FREM1: variants seen among roughly 807,000 people sequenced by gnomAD.
FREM1 encodes FRAS1 related extracellular matrix 1.
FREM1 carries 220 observed loss-of-function variants against 210.1 expected under a neutral mutation model. That is an observed-to-expected ratio of 1.05 (90% CI 0.94 to 1.17). FREM1 has a LOEUF of 1.17. Among genes scored for constraint, FREM1 ranks in the 50% most tolerant of loss-of-function variants. The probability of loss-of-function intolerance (pLI) is 0.00; values close to 1 mark genes in which losing one functional copy is unlikely to be tolerated. For missense variants in FREM1, 3,454 were observed against 2,675.5 expected (o/e 1.29, Z -6.42); for synonymous variants, 1,189 against 980.2 (o/e 1.21, Z -3.98).
At chr9:14,905,860 C>T (rs1213597167) in intron 1 of FREM1, among the ~76,000 whole-genome samples, 1 of 151,676 alleles carries the variant, frequency 6.6e-6, no homozygotes, top group Non-Finnish European at 1.5e-5. Flanking sequence ...CACTGCACTG[C>T]AGCATGGGCA....
At chr9:14,865,648 A>C (rs1831369705) in intron 2 of FREM1, among the ~76,000 whole-genome samples, 1 of 146,832 alleles carries the variant, frequency 6.8e-6, no homozygotes, top group South Asian at 2.2e-4. Flanking sequence ...TCTATTAAAG[A>C]ATAATGTTTA....
chr9:14,780,596 C>T (rs1849509067), intron 24 of FREM1, among the ~76,000 whole-genome samples: 1 of 152,100 alleles, frequency 6.6e-6, no homozygotes, highest in African/African-American at 2.4e-5. Context: ...CAGCACCAAA[C>T]AATGCAGGAG....
chr9:14,881,605 T>C (rs1253423947), intron 1 of FREM1, among the ~76,000 whole-genome samples: 1 of 152,228 alleles, frequency 6.6e-6, no homozygotes, highest in Non-Finnish European at 1.5e-5. Context: ...ATATAGCAAA[T>C]GTTTCCTTCG....
chr9:14,860,816 C>CGTATATATATATAT (rs1488331325), intron 3 of FREM1, among the ~76,000 whole-genome samples: 1 of 72,184 alleles, frequency 1.4e-5, no homozygotes, highest in Admixed American at 1.6e-4. Flanking sequence ...TACATATATA[C>CGTATATATATATAT]ACATATATAC....
At chr9:14,819,862 G>A (rs778555151) in intron 13 of FREM1, among the ~76,000 whole-genome samples, 29 of 152,172 alleles carry the variant, frequency 1.9e-4, no homozygotes, top group Admixed American at 7.9e-4. Context: ...TGAAGGAAAG[G>A]TTTCATCTAC....
intron 10 of FREM1, among the ~76,000 whole-genome samples, chr9:14,840,405 C>T (rs562449706): frequency 2.0e-5 from 3 of 152,308 alleles, no homozygotes; most frequent in African/African-American, 7.2e-5. Flanking sequence ...AATGGATGTA[C>T]AGTTCCACAT....
In FREM1 at chr9:14,859,434, A is replaced by C; in HGVS notation, c.380T>G (p.Leu127Arg). ...GATGATGTTACAGTCTGGTTCCAGG[A>C]GATAGACCCACAGGATAAAAGTTTC... ...FIETFILWVY[L>R]LEPDCNIIHM... is the part of the protein sequence containing the mutation. The change falls in exon 4 of 37, where the codon CTC (leucine) becomes CGC (arginine). Residue 127 changes from leucine to arginine, a missense_variant. Physicochemically the swap from Leu to Arg is moderately radical, Grantham distance 102 (BLOSUM62 -2). Coordinates refer to ENST00000380880, the MANE Select transcript of FREM1 (RefSeq NM_001379081.2). 4.3e-6 allele frequency: 7 copies of C among 1,613,896 alleles called. No individual in the cohort carries two copies. The highest frequency in any genetic ancestry group is 5.9e-6 in the Non-Finnish European group (7 of 1,179,796).
chr9:14,861,112 T>TATATATACATATATACAC (rs1384033590), intron 3 of FREM1, among the ~76,000 whole-genome samples: 3 of 99,880 alleles, frequency 3.0e-5, no homozygotes, highest in South Asian at 2.6e-4. Flanking sequence ...TATATACACA[T>TATATATACATATATACAC]ATATATACAT....
At chr9:14,825,624 A>G (rs900491776) in intron 10 of FREM1, among the ~76,000 whole-genome samples, 1 of 149,390 alleles carries the variant, frequency 6.7e-6, no homozygotes, top group Non-Finnish European at 1.5e-5. Context: ...CACATAAAAC[A>G]CAAAATATGT....
intron 7 of FREM1, among the ~76,000 whole-genome samples, chr9:14,847,931 T>G (rs1826988188): frequency 6.6e-6 from 1 of 152,222 alleles, no homozygotes; most frequent in Non-Finnish European, 1.5e-5. Flanking sequence ...AAATCAAGGC[T>G]GCTCACCTGA....
In FREM1 at chr9:14,794,345, T is replaced by C. The variant is rs115618842; in HGVS notation, c.3840-1461A>G. The stretch of plus-strand genomic sequence containing the variant: ...GATGTGATTCAAACTGTGCTCCTAA[T>C]GGACAGGAAGCTGGAGCATTTATCT... On this transcript the variant is annotated intron_variant, in intron 21 of 36. Coordinates refer to ENST00000380880, the MANE Select transcript of FREM1 (RefSeq NM_001379081.2). Among the ~76,000 whole-genome samples the C allele has an allele frequency of 5.9e-3, 906 of 152,302 alleles. 7 individuals carry two copies. Among genetic ancestry groups the C allele is most frequent in the African/African-American group, 0.021 (857 of 41,570 alleles).
At chr9:14,845,838 G>T in intron 8 of FREM1, 122 bp downstream of exon 8, 1 of 976,424 alleles carries the variant, frequency 1.0e-6, no homozygotes, top group Non-Finnish European at 1.6e-6. Context: ...CAGATTTTCT[G>T]CATTTGACAA....
chr9:14,860,839 A>ACG (rs1829982851), intron 3 of FREM1, among the ~76,000 whole-genome samples: 1 of 116,890 alleles, frequency 8.6e-6, no homozygotes, highest in East Asian at 3.0e-4. Context: ...ATATACGTAT[A>ACG]TATACATATA....
rs771273809 is a variant in FREM1, at chr9:14,805,129, T to C, written c.3298A>G (p.Asn1100Asp). 6.3e-7 allele frequency: 1 copy of C among 1,577,826 alleles called. No individual in the cohort carries two copies. The highest frequency in any genetic ancestry group is 8.6e-7 in the Non-Finnish European group (1 of 1,160,422). ...TGCACATAGTTAATGTGAAAAGCGT[T>C]CATGTCTTTCCACTGAAATGAATCT... ...SIDSFQWKDM[N>D]AFHINYVQSR... The change falls in exon 19 of 37, where the codon AAC (asparagine) becomes GAC (aspartate). Residue 1100 changes from asparagine to aspartate, a missense_variant. By Grantham distance (23) the Asn-to-Asp change is conservative. Transcript: ENST00000380880.
In FREM1 at chr9:14,885,073, C is replaced by T. The variant is rs894242743; in HGVS notation, c.-267-15829G>A. Among the ~76,000 whole-genome samples the T allele has an allele frequency of 1.4e-5, 2 of 146,732 alleles. 1 individual carries two copies. The highest frequency in any genetic ancestry group is 3.0e-5 in the Non-Finnish European group (2 of 67,522). On this transcript the variant is annotated intron_variant, in intron 1 of 36. Coordinates refer to ENST00000380880, the MANE Select transcript of FREM1 (RefSeq NM_001379081.2). ...CCGAGTGGCTGGGACTACAGCTGCC[C>T]GCCACCGCGCCCGGCTAATTTTTTG...
chr9:14,835,464 A>C (rs1055799353), intron 10 of FREM1, among the ~76,000 whole-genome samples: 2 of 152,258 alleles, frequency 1.3e-5, no homozygotes, highest in Non-Finnish European at 2.9e-5. Context: ...TCTCCCTTTA[A>C]GGAATCAAGC....
At chr9:14,873,053 C>T (rs938017584) in intron 1 of FREM1, among the ~76,000 whole-genome samples, 3 of 152,214 alleles carry the variant, frequency 2.0e-5, no homozygotes, top group Non-Finnish European at 2.9e-5. Context: ...TTTTGATGTG[C>T]TGCTGGATTC....
intron 24 of FREM1, 141 bp from the exon 25 acceptor site, chr9:14,776,344 G>GA (rs949979052): frequency 1.1e-6 from 1 of 910,556 alleles, no homozygotes; most frequent in Non-Finnish European, 1.6e-6. Flanking sequence ...AGATCTTGCA[G>GA]AAAAATCCCT....
In FREM1 at chr9:14,792,313, G is replaced by C. The variant is rs936891252; in HGVS notation, c.3981+430C>G. On this transcript the variant is annotated intron_variant, in intron 22 of 36. Transcript: ENST00000380880. The stretch of plus-strand genomic sequence containing the variant: ...ACACACACACACACACAGAGAGAGA[G>C]AGAGATTGAGAGAACAAGAAAGACT... 8.7e-4 allele frequency among the ~76,000 whole-genome samples: 121 copies of C among 138,632 alleles called. 3 individuals are homozygous for C. The East Asian group carries it at 0.014, about 16-fold the overall frequency. 90.9% of individuals were successfully genotyped at this position (138,632 alleles called of 152,430 possible).
Sources: gnomAD v4.1 joint callset for allele counts (sites outside exome capture counted in the v4.1 genomes callset) on GRCh38, gnomAD v4.1.1 for gene constraint, MANE v1.5 for transcripts, NCBI Gene and HGNC (gene_info 2026-07-23, HGNC 2026-07-21) for gene names.